The following LIMS1 variants were observed in gnomAD, a reference collection of about 807,000 sequenced individuals.
LIMS1 encodes LIM and senescent cell antigen-like-containing domain protein 1.
A neutral mutation model predicts 44.1 loss-of-function variants in LIMS1; 18 were observed. The observed-to-expected ratio is 0.41, with a 90% CI of 0.28 to 0.61. The LOEUF is 0.61. Ranked by LOEUF, LIMS1 falls within the 20% of genes least tolerant of loss-of-function variation. The probability of loss-of-function intolerance (pLI) is 0.32; values close to 1 mark genes in which losing one functional copy is unlikely to be tolerated. For synonymous variants in LIMS1, 93 were observed against 149.1 expected, an observed-to-expected ratio of 0.62 and a Z score of 2.74; for missense variants, 201 against 422.0, an observed-to-expected ratio of 0.48 and a Z score of 4.59.
intron 1 of LIMS1, among the ~76,000 whole-genome samples, chr2:108,552,492 C>T (rs1558784636): frequency 1.4e-5 from 2 of 144,136 alleles, no homozygotes; most frequent in Non-Finnish European, 3.0e-5. Context: ...ATTACAGTTA[C>T]ATATAATATA....
At chr2:108,574,949 A>G (rs1685615059) in intron 1 of LIMS1, among the ~76,000 whole-genome samples, 1 of 152,124 alleles carries the variant, frequency 6.6e-6, no homozygotes, top group African/African-American at 2.4e-5. Flanking sequence ...ATTTTTGGTC[A>G]TTGGGTTGGG....
At chr2:108,683,515 G>A (rs1693140217) in intron 9 of LIMS1, among the ~76,000 whole-genome samples, 1 of 132,880 alleles carries the variant, frequency 7.5e-6, no homozygotes, top group African/African-American at 2.8e-5. Context: ...ACTCCAGCCT[G>A]AGTGACAGTC....
chr2:108,534,127 C>T (rs1157517120), upstream of LIMS1: 1 of 153,564 alleles, frequency 6.5e-6, no homozygotes, highest in Non-Finnish European at 1.4e-5. Context: ...GCCCCCGAGC[C>T]GCCGCCGCGC....
intron 1 of LIMS1, among the ~76,000 whole-genome samples, chr2:108,645,829 A>AG (rs1690027034): frequency 6.6e-6 from 1 of 152,016 alleles, no homozygotes; most frequent in Non-Finnish European, 1.5e-5. Context: ...GCAAAAAAAA[A>AG]AAAAACCCAG....
intron 1 of LIMS1, among the ~76,000 whole-genome samples, chr2:108,577,972 C>T (rs1410131984): frequency 6.6e-6 from 1 of 152,198 alleles, no homozygotes; most frequent in Non-Finnish European, 1.5e-5. Flanking sequence ...TGCAGTGGCA[C>T]AGTCTCGGCT....
At chr2:108,597,440 A>T (rs756384409) in intron 1 of LIMS1, among the ~76,000 whole-genome samples, 3 of 152,170 alleles carry the variant, frequency 2.0e-5, no homozygotes, top group Non-Finnish European at 2.9e-5. Flanking sequence ...AATGTTGTGA[A>T]TTCTTGATAA....
chr2:108,644,501 T>G (rs1194062975), intron 1 of LIMS1, among the ~76,000 whole-genome samples: 1 of 151,970 alleles, frequency 6.6e-6, no homozygotes, highest in Non-Finnish European at 1.5e-5. Context: ...GGTCACCAAC[T>G]TCAAAGACCA....
chr2:108,650,020 G>A (rs911882241), intron 1 of LIMS1, among the ~76,000 whole-genome samples: 18 of 152,170 alleles, frequency 1.2e-4, no homozygotes, highest in African/African-American at 4.1e-4. Context: ...TTAGGGAATT[G>A]AGGACCTCGC....
chr2:108,567,602 C>G (rs369071592), intron 1 of LIMS1, among the ~76,000 whole-genome samples: 3 of 152,214 alleles, frequency 2.0e-5, no homozygotes, highest in East Asian at 3.9e-4. Context: ...GATGGAGTCT[C>G]GCTCTGTCAT....
At position 108,612,017 on chromosome 2, in the gene LIMS1, T is replaced by C. The variant is rs192678282; in HGVS notation, c.33-47588T>C. Among the ~76,000 whole-genome samples, 523 of 68,712 alleles carry C rather than the reference T, an allele frequency of 7.6e-3. 6 individuals carry two copies. Among genetic ancestry groups the C allele is most frequent in the East Asian group, 0.049 (19 of 384 alleles). 45.1% of individuals were successfully genotyped at this position (68,712 alleles called of 152,430 possible). ...TATTATATATACACACATATATATA[T>C]ACACACACATATACACACACACACA... On this transcript the variant is annotated intron_variant, in intron 1 of 9. Coordinates refer to ENST00000544547, the Ensembl canonical transcript of LIMS1.
chr2:108,612,971 A>G (rs1437142605), intron 1 of LIMS1, among the ~76,000 whole-genome samples: 1 of 152,202 alleles, frequency 6.6e-6, no homozygotes, highest in Non-Finnish European at 1.5e-5. Flanking sequence ...GCCCTGGGAC[A>G]GTGCAGTTTA....
At chr2:108,662,419 T>A in intron 2 of LIMS1, 2 of 1,501,148 alleles carry the variant, frequency 1.3e-6, no homozygotes, top group South Asian at 2.4e-5. Flanking sequence ...CACTGGACTA[T>A]AAATACCCTC....
intron 1 of LIMS1, among the ~76,000 whole-genome samples, chr2:108,558,796 G>A (rs1315118153): frequency 6.6e-6 from 1 of 150,946 alleles, no homozygotes; most frequent in African/African-American, 2.4e-5. Flanking sequence ...TCAGCCTCTC[G>A]AGTAGCTGGG....
At chr2:108,545,112 ATATAAG>A (rs1342383061) in intron 1 of LIMS1, among the ~76,000 whole-genome samples, 2 of 152,214 alleles carry the variant, frequency 1.3e-5, no homozygotes, top group Non-Finnish European at 2.9e-5. Context: ...CTCTTTTAAC[ATATAAG>A]TATACCTTTC....
intron 5 of LIMS1, chr2:108,673,352 A>G (rs1400249343): frequency 1.2e-4 from 46 of 396,476 alleles, no homozygotes; most frequent in East Asian, 2.8e-4. Flanking sequence ...TGAGAATAAG[A>G]GCATTTTCCT....
intron 1 of LIMS1, among the ~76,000 whole-genome samples, chr2:108,642,658 C>T (rs966765047): frequency 2.0e-5 from 3 of 152,038 alleles, no homozygotes; most frequent in African/African-American, 4.8e-5. Flanking sequence ...CGCGCCCGGC[C>T]GCTACTAGTG....
chr2:108,569,764 C>CTTTTT (rs10596766), intron 1 of LIMS1, among the ~76,000 whole-genome samples: 1,865 of 113,032 alleles, frequency 0.016, 81 homozygotes, highest in African/African-American at 0.04. Context: ...CCATATCTGG[C>CTTTTT]TTTTTTTTTT....
chr2:108,674,186 C>CG (rs1692347709), intron 5 of LIMS1, among the ~76,000 whole-genome samples: 1 of 151,350 alleles, frequency 6.6e-6, no homozygotes, highest in Non-Finnish European at 1.5e-5. Context: ...AAAAATTAGC[C>CG]GGGCACGGTG....
chr2:108,575,290 T>A (rs531314037), intron 1 of LIMS1, among the ~76,000 whole-genome samples: 1 of 151,644 alleles, frequency 6.6e-6, no homozygotes, highest in East Asian at 1.9e-4. Context: ...CATAGTTATA[T>A]GCTCGTTAGA....
Sources: allele counts gnomAD v4.1 joint callset (sites outside exome capture counted in the v4.1 genomes callset), GRCh38; gene constraint gnomAD v4.1.1; transcripts MANE v1.5; gene names NCBI Gene and HGNC (gene_info 2026-07-23, HGNC 2026-07-21).